MAPK10: variants seen among roughly 807,000 people sequenced by gnomAD.
MAPK10 encodes mitogen-activated protein kinase 10.
In MAPK10, 25 loss-of-function variants were observed where a neutral mutation model predicts 59.3. That is an observed-to-expected ratio of 0.42 (90% CI 0.31 to 0.59). The LOEUF is 0.59. Among genes scored for constraint, MAPK10 ranks in the 20% least tolerant of loss-of-function variants. The pLI, the probability that MAPK10 is intolerant of heterozygous loss-of-function variation, is 0.15. For synonymous variants in MAPK10, 190 were observed against 200.5 expected (o/e 0.95, Z 0.44); for missense variants, 351 against 568.9 (o/e 0.62, Z 3.90).
At chr4:86,548,525 G>A (rs958011069) in intron 1 of MAPK10, among the ~76,000 whole-genome samples, 5 of 152,186 alleles carry the variant, frequency 3.3e-5, no homozygotes, top group African/African-American at 9.7e-5. Flanking sequence ...TGGAGGTGGG[G>A]TCTGGTGGGA....
chr4:86,545,472 T>C (rs1403622168), intron 1 of MAPK10, among the ~76,000 whole-genome samples: 2 of 152,130 alleles, frequency 1.3e-5, no homozygotes, highest in East Asian at 1.9e-4. Context: ...GTGAAGGCCG[T>C]GACGAAAAGA....
At chr4:86,581,902 TA>T (rs1565075286) in intron 1 of MAPK10, among the ~76,000 whole-genome samples, 363 of 1,830 alleles carry the variant, frequency 0.2, 2 homozygotes, top group Non-Finnish European at 0.26. Flanking sequence ...ATATATATTA[TA>T]TATATATATA....
Position 86,568,656 on chromosome 4 carries a change from C to T in MAPK10, c.-263+25254G>A, listed in dbSNP as rs942722615. Among the ~76,000 whole-genome samples the T allele has an allele frequency of 2.6e-5, 4 of 152,210 alleles. No homozygotes were observed. The East Asian group carries it at 7.7e-4, about 29-fold the overall frequency. On this transcript the variant is annotated intron_variant, in intron 1 of 4. Coordinates refer to the MAPK10 transcript ENST00000502302. ...AATAAAGTCACACACCTACAACCAA[C>T]AGGTCTTCAACAAAGTTGACAAAAA...
chr4:86,379,584 G>A (rs1238383436), intron 1 of MAPK10, among the ~76,000 whole-genome samples: 1 of 152,180 alleles, frequency 6.6e-6, no homozygotes, highest in East Asian at 1.9e-4. Context: ...GAGGAAAACC[G>A]CTTAAAGGCA....
intron 2 of MAPK10, among the ~76,000 whole-genome samples, chr4:86,291,438 C>T (rs1212132511): frequency 2.0e-5 from 3 of 152,296 alleles, no homozygotes; most frequent in South Asian, 4.1e-4. Flanking sequence ...CTGATAAATG[C>T]TTCTTAGTGA....
intron 4 of MAPK10, among the ~76,000 whole-genome samples, chr4:86,127,178 T>A (rs983677837): frequency 3.4e-5 from 5 of 146,504 alleles, no homozygotes; most frequent in African/African-American, 1.3e-4. Context: ...CTCATAAAGT[T>A]GTTAGGAGAA....
At chr4:86,497,979 G>T (rs930573551) in intron 1 of MAPK10, among the ~76,000 whole-genome samples, 3 of 152,174 alleles carry the variant, frequency 2.0e-5, no homozygotes, top group South Asian at 4.1e-4. Flanking sequence ...CAAGGGTAAA[G>T]AATTTATTTA....
intron 1 of MAPK10, among the ~76,000 whole-genome samples, chr4:86,507,395 G>A (rs908941531): frequency 6.6e-5 from 10 of 151,130 alleles, no homozygotes; most frequent in Admixed American, 1.3e-4. Context: ...CTTTCATTGC[G>A]ACTGCCACTT....
chr4:86,103,107 GT>G, intron 6 of MAPK10, 78 bp downstream of exon 6: 1 of 802,060 alleles, frequency 1.2e-6, no homozygotes, highest in Non-Finnish European at 2.2e-6. Flanking sequence ...GTGTGTGTGT[GT>G]GTGTGTGTGG....
At chr4:86,375,269 G>T (rs1192334430) in intron 1 of MAPK10, among the ~76,000 whole-genome samples, 1 of 152,004 alleles carries the variant, frequency 6.6e-6, no homozygotes, top group Non-Finnish European at 1.5e-5. Flanking sequence ...CCAGCCAATG[G>T]TAATGAAGAG....
intron 2 of MAPK10, among the ~76,000 whole-genome samples, chr4:86,319,899 T>C (rs1462211943): frequency 6.6e-6 from 1 of 152,226 alleles, no homozygotes; most frequent in Non-Finnish European, 1.5e-5. Flanking sequence ...TCTTCCTCTA[T>C]CTCTCTTTCT....
At chr4:86,593,907 T>TC (rs1763320213) in intron 1 of MAPK10, 1 of 152,210 alleles carries the variant, frequency 6.6e-6, no homozygotes, top group Admixed American at 6.5e-5. Context: ...AGCCAGCACT[T>TC]ACGCATTTTT....
chr4:86,556,172 C>G (rs1468221681), intron 1 of MAPK10, among the ~76,000 whole-genome samples: 1 of 152,114 alleles, frequency 6.6e-6, no homozygotes, highest in African/African-American at 2.4e-5. Context: ...TTCATGCTAG[C>G]AATGTAATAT....
chr4:86,143,871 A>G (rs1701162161), intron 4 of MAPK10, among the ~76,000 whole-genome samples: 1 of 152,236 alleles, frequency 6.6e-6, no homozygotes, highest in African/African-American at 2.4e-5. Context: ...ATATTTTATG[A>G]GAAAAAAAAT....
chr4:86,035,158 G>A (rs2148926113), intron 11 of MAPK10, among the ~76,000 whole-genome samples: 1 of 152,042 alleles, frequency 6.6e-6, no homozygotes, highest in South Asian at 2.1e-4. Flanking sequence ...ATTATTTGAA[G>A]TCAGGAGTTC....
intron 1 of MAPK10, among the ~76,000 whole-genome samples, chr4:86,523,667 T>C (rs986848203): frequency 6.6e-6 from 1 of 152,220 alleles, no homozygotes; most frequent in African/African-American, 2.4e-5. Flanking sequence ...AGGAGATACA[T>C]GTCTTCACCC....
intron 11 of MAPK10, among the ~76,000 whole-genome samples, chr4:86,050,715 C>T (rs1285606500): frequency 6.6e-6 from 1 of 152,028 alleles, no homozygotes; most frequent in Admixed American, 6.6e-5. Context: ...AGAATTCTGG[C>T]TAGGAATAAA....
At chr4:86,447,542 T>C (rs1750186082) in intron 1 of MAPK10, among the ~76,000 whole-genome samples, 2 of 152,190 alleles carry the variant, frequency 1.3e-5, no homozygotes, top group Admixed American at 1.3e-4. Context: ...TAATAGAGTA[T>C]ATGTACATGG....
At chr4:86,564,285 G>A (rs1760902114) in intron 1 of MAPK10, among the ~76,000 whole-genome samples, 1 of 152,128 alleles carries the variant, frequency 6.6e-6, no homozygotes, top group Non-Finnish European at 1.5e-5. Context: ...CTTTGCCTAG[G>A]TTTGTATAGC....
Sources: allele counts gnomAD v4.1 joint callset (sites outside exome capture counted in the v4.1 genomes callset), GRCh38; gene constraint gnomAD v4.1.1; transcripts MANE v1.5; gene names NCBI Gene and HGNC (gene_info 2026-07-23, HGNC 2026-07-21).